PTPRZ1: variants seen among roughly 807,000 people sequenced by gnomAD.
PTPRZ1 encodes protein tyrosine phosphatase receptor type Z1.
PTPRZ1 carries 82 observed loss-of-function variants against 214.1 expected under a neutral mutation model. The observed-to-expected ratio is 0.38, with a 90% CI of 0.32 to 0.46. The LOEUF (loss-of-function observed/expected upper bound fraction) is 0.46, where lower values mean the gene tolerates loss of function less well. Among genes scored for constraint, PTPRZ1 ranks in the 20% least tolerant of loss-of-function variants. PTPRZ1 has a pLI of 1.00. For synonymous variants in PTPRZ1, 945 were observed against 987.9 expected (o/e 0.96, Z 0.81); for missense variants, 2,603 against 2,748.7 (o/e 0.95, Z 1.19).
chr7:121,937,446 C>T (rs945171343), intron 2 of PTPRZ1, among the ~76,000 whole-genome samples: 1 of 152,130 alleles, frequency 6.6e-6, no homozygotes, highest in Non-Finnish European at 1.5e-5. Context: ...CCCCTGGGGC[C>T]TTCCCCACCC....
intron 2 of PTPRZ1, among the ~76,000 whole-genome samples, chr7:121,963,459 T>G (rs1796941779): frequency 6.6e-6 from 1 of 152,032 alleles, no homozygotes; most frequent in South Asian, 2.1e-4. Context: ...AAGACTCCCT[T>G]TTTGGGAGTT....
At chr7:122,053,782 A>G in intron 25 of PTPRZ1, 128 bp from the exon 26 acceptor site, 1 of 1,127,134 alleles carries the variant, frequency 8.9e-7, no homozygotes. Context: ...TAATCATATT[A>G]CTACATATAG....
intron 15 of PTPRZ1, among the ~76,000 whole-genome samples, chr7:122,032,403 A>G (rs1799407160): frequency 6.6e-6 from 1 of 152,138 alleles, no homozygotes; most frequent in African/African-American, 2.4e-5. Context: ...TTCAAACCTA[A>G]GTCTGTGATT....
Position 122,012,157 on chromosome 7 carries a change from T to C in PTPRZ1, c.3111T>C (p.Asp1037=). 2 of 1,613,938 alleles carry C rather than the reference T, an allele frequency of 1.2e-6. No homozygotes were observed. Among genetic ancestry groups the C allele is most frequent in the Non-Finnish European group, 1.7e-6 (2 of 1,179,844 alleles). ...FTYTTSVFGD[D]NKALSKSEII... Reference sequence around the variant, plus strand: ...ATACAACATCTGTGTTTGGTGATGATAATAAGGCGCTTTCTAAAAGTGAAA... The same window carrying C: ...ATACAACATCTGTGTTTGGTGATGACAATAAGGCGCTTTCTAAAAGTGAAA... The change falls in exon 12 of 30, where the codon GAT becomes GAC. Residue 1037 remains aspartate, a synonymous_variant. Coordinates refer to ENST00000393386, the MANE Select transcript of PTPRZ1 (RefSeq NM_002851.3).
chr7:122,060,300 T>G (rs1449048250), intron 29 of PTPRZ1, among the ~76,000 whole-genome samples: 1 of 152,166 alleles, frequency 6.6e-6, no homozygotes, highest in East Asian at 1.9e-4. Flanking sequence ...ATAAGTCTTA[T>G]TCGGGGCCGC....
chr7:121,923,258 A>G (rs923645540), intron 1 of PTPRZ1, among the ~76,000 whole-genome samples: 3 of 152,086 alleles, frequency 2.0e-5, no homozygotes, highest in African/African-American at 7.2e-5. Flanking sequence ...TCTTTGCCAC[A>G]TTTCTAGACT....
At chr7:121,878,358 A>G (rs1048242682) in intron 1 of PTPRZ1, among the ~76,000 whole-genome samples, 8 of 152,368 alleles carry the variant, frequency 5.3e-5, no homozygotes, top group African/African-American at 1.9e-4. Context: ...ACAACAACAA[A>G]AAACGCTGGT....
At chr7:121,996,614 T>TG (rs1371641512) in intron 9 of PTPRZ1, 48 bp downstream of exon 9, 1 of 1,379,806 alleles carries the variant, frequency 7.2e-7, no homozygotes. Context: ...TATAATTTAA[T>TG]TTCCAAGGTA....
At chr7:121,996,261 A>G in intron 8 of PTPRZ1, 121 bp from the exon 9 acceptor site, 1 of 671,390 alleles carries the variant, frequency 1.5e-6, no homozygotes, top group Non-Finnish European at 2.3e-6. Flanking sequence ...CACAGTGGGA[A>G]AGTGTAACTT....
At position 121,889,548 on chromosome 7, in the gene PTPRZ1, A is replaced by G. The variant is rs142974870; in HGVS notation, c.58+15991A>G. ...GTTAATCAGCAAATGTGGTTAAAATAATAGGTGTTTCTTAACATGCTATTA... is the reference window on the plus strand; with the variant it reads ...GTTAATCAGCAAATGTGGTTAAAATGATAGGTGTTTCTTAACATGCTATTA... On this transcript the variant is annotated intron_variant, in intron 1 of 29. Coordinates refer to ENST00000393386, the MANE Select transcript of PTPRZ1 (RefSeq NM_002851.3). Among the ~76,000 whole-genome samples the G allele has an allele frequency of 4.8e-3, 724 of 152,338 alleles. 6 individuals are homozygous for G. Among genetic ancestry groups the G allele is most frequent in the African/African-American group, 0.017 (697 of 41,582 alleles).
intron 1 of PTPRZ1, among the ~76,000 whole-genome samples, chr7:121,882,496 G>A (rs1236681027): frequency 6.6e-6 from 1 of 152,178 alleles, no homozygotes; most frequent in Non-Finnish European, 1.5e-5. Context: ...AAGTGAGAAC[G>A]TGGTAATTGG....
chr7:122,050,131 T>G (rs1792124255), intron 23 of PTPRZ1, among the ~76,000 whole-genome samples: 1 of 152,060 alleles, frequency 6.6e-6, no homozygotes, highest in African/African-American at 2.4e-5. Flanking sequence ...TTATAACTAT[T>G]GTAAGATCAT....
At chr7:121,938,510 G>A (rs566274042) in intron 2 of PTPRZ1, among the ~76,000 whole-genome samples, 2 of 152,296 alleles carry the variant, frequency 1.3e-5, no homozygotes, top group South Asian at 2.1e-4. Flanking sequence ...GGAGCCAGAG[G>A]CTCATGGAAG....
chr7:122,031,297 G>A (rs1456996410), intron 14 of PTPRZ1, among the ~76,000 whole-genome samples, 177 bp from the exon 15 acceptor site: 4 of 151,994 alleles, frequency 2.6e-5, no homozygotes, highest in Non-Finnish European at 4.4e-5. Flanking sequence ...TGAAATACAG[G>A]TTTTGATTGA....
chr7:121,913,350 G>A (rs1259073003), intron 1 of PTPRZ1, among the ~76,000 whole-genome samples: 2 of 152,096 alleles, frequency 1.3e-5, no homozygotes, highest in Non-Finnish European at 2.9e-5. Context: ...ATATTCATCC[G>A]CTCAGCTCTT....
intron 1 of PTPRZ1, among the ~76,000 whole-genome samples, chr7:121,905,629 C>T (rs1214975201): frequency 1.9e-5 from 2 of 106,982 alleles, no homozygotes; most frequent in Admixed American, 2.0e-4. Context: ...TGCACCCGGC[C>T]GAATTCTGGG....
At chr7:121,987,902 A>G (rs1797810587) in intron 8 of PTPRZ1, among the ~76,000 whole-genome samples, 1 of 152,332 alleles carries the variant, frequency 6.6e-6, no homozygotes, top group African/African-American at 2.4e-5. Flanking sequence ...CATAATCCTA[A>G]GTGAACTAAT....
chr7:121,921,882 C>T (rs879006585), intron 1 of PTPRZ1, among the ~76,000 whole-genome samples: 1 of 152,080 alleles, frequency 6.6e-6, no homozygotes, highest in Admixed American at 6.6e-5. Context: ...CCTAAACAAA[C>T]CATACTATCT....
intron 1 of PTPRZ1, among the ~76,000 whole-genome samples, chr7:121,893,502 A>G (rs1168012662): frequency 6.6e-6 from 1 of 152,242 alleles, no homozygotes. Context: ...GAAATGGCAA[A>G]GCCTGTGTAT....
Sources: gnomAD v4.1 joint callset for allele counts (sites outside exome capture counted in the v4.1 genomes callset) on GRCh38, gnomAD v4.1.1 for gene constraint, MANE v1.5 for transcripts, NCBI Gene and HGNC (gene_info 2026-07-23, HGNC 2026-07-21) for gene names.